The following MYH11 variants were observed in gnomAD, a reference collection of about 807,000 sequenced individuals.
MYH11 encodes myosin-11.
MYH11 carries 80 observed loss-of-function variants against 246.6 expected under a neutral mutation model. The ratio of observed to expected loss-of-function variants is 0.32; its 90% CI spans 0.27 to 0.39. The LOEUF is 0.39. Ranked by LOEUF, MYH11 falls within the 10% of genes least tolerant of loss-of-function variation. MYH11 has a pLI of 1.00. For missense variants in MYH11, 2,158 were observed against 2,546.8 expected (o/e 0.85, Z 3.29); for synonymous variants, 1,071 against 1,015.5 (o/e 1.05, Z -1.04).
At chr16:15,717,089 GCT>G in intron 38 of MYH11, 49 bp downstream of exon 38, 1 of 1,583,492 alleles carries the variant, frequency 6.3e-7, no homozygotes, top group Non-Finnish European at 8.7e-7. Context: ...TATGACTCCT[GCT>G]GTCCATCACC....
chr16:15,830,708 T>C (rs550959168), intron 2 of MYH11, among the ~76,000 whole-genome samples: 1 of 151,832 alleles, frequency 6.6e-6, no homozygotes, highest in Non-Finnish European at 1.5e-5. Flanking sequence ...CAAAAACCCA[T>C]CTTTACAAAA....
chr16:15,758,130 C>T (rs1024460758), intron 12 of MYH11, 130 bp from the exon 13 acceptor site: 3 of 1,387,412 alleles, frequency 2.2e-6, no homozygotes, highest in Non-Finnish European at 3.0e-6. Flanking sequence ...TCCCAGCACC[C>T]AGACAGGGCT....
At chr16:15,766,662 G>A (rs529514048) in intron 9 of MYH11, among the ~76,000 whole-genome samples, 9 of 152,210 alleles carry the variant, frequency 5.9e-5, no homozygotes, top group East Asian at 5.8e-4. Context: ...CACAGTGCCC[G>A]GCCTACCCAT....
Position 15,703,896 on chromosome 16 carries a change from G to T in MYH11, c.*95C>A. The T allele has an allele frequency of 1.3e-6, 2 of 1,509,562 alleles. No homozygotes were observed. Among genetic ancestry groups the T allele is most frequent in the South Asian group, 1.1e-5 (1 of 88,260 alleles). The allele number at this position is 1,509,562 out of a possible 1,614,324, so 93.5% of individuals were successfully genotyped here. A position where few individuals can be genotyped will look rare whatever the true frequency, so the allele number is the denominator to read the frequency against. Reference sequence around the variant, plus strand: ...AGACAATGCTAAGTACAGTCTGCTGGGTTTTGCTTTGTTCTGGGTTGTTGT... The same window carrying T: ...AGACAATGCTAAGTACAGTCTGCTGTGTTTTGCTTTGTTCTGGGTTGTTGT... On this transcript the variant is annotated 3_prime_UTR_variant, in exon 41 of 41. Transcript: ENST00000300036.
At chr16:15,730,143 G>C (rs1216993063) in intron 27 of MYH11, among the ~76,000 whole-genome samples, 1 of 151,918 alleles carries the variant, frequency 6.6e-6, no homozygotes, top group East Asian at 1.9e-4. Context: ...CACCATGATG[G>C]TAAGTTTCCT....
chr16:15,810,843 G>A (rs909756026), intron 3 of MYH11, among the ~76,000 whole-genome samples: 11 of 152,294 alleles, frequency 7.2e-5, no homozygotes, highest in Admixed American at 1.3e-4. Flanking sequence ...GGTAATTGCC[G>A]TTAATATCAT....
At chr16:15,708,809 C>T in intron 40 of MYH11, 1 of 1,608,254 alleles carries the variant, frequency 6.2e-7, no homozygotes, top group East Asian at 2.2e-5. Context: ...ATACCTGGTG[C>T]ATCACTGCGA....
Position 15,716,872 on chromosome 16 carries a change from G to C in MYH11, c.5504+268C>G, listed in dbSNP as rs113546360. Among the ~76,000 whole-genome samples, 1,552 of 152,320 alleles carry C rather than the reference G, an allele frequency of 0.01. 33 individuals are homozygous for C. Among genetic ancestry groups the C allele is most frequent in the African/African-American group, 0.034 (1,423 of 41,554 alleles). ...CTGCAGAGGCTGGGAAAAGTCATATGTACTGCTGGGAAGGCAGGTTAATGT... is the reference window on the plus strand; with the variant it reads ...CTGCAGAGGCTGGGAAAAGTCATATCTACTGCTGGGAAGGCAGGTTAATGT... On this transcript the variant is annotated intron_variant, in intron 38 of 40. Transcript: ENST00000300036.
chr16:15,798,746 C>A (rs372257007), intron 3 of MYH11, 59 bp from the exon 4 acceptor site: 72 of 1,546,530 alleles, frequency 4.7e-5, no homozygotes, highest in Non-Finnish European at 6.2e-5. Context: ...AGCTAAGGGT[C>A]TGGACTTGGC....
At chr16:15,784,461 C>T (rs1338315990) in intron 5 of MYH11, among the ~76,000 whole-genome samples, 1 of 152,250 alleles carries the variant, frequency 6.6e-6, no homozygotes, top group African/African-American at 2.4e-5. Flanking sequence ...TGGAGCGCAA[C>T]CCTGGGGACT....
intron 16 of MYH11, among the ~76,000 whole-genome samples, chr16:15,748,768 A>G (rs1447925346): frequency 2.0e-5 from 3 of 152,020 alleles, no homozygotes; most frequent in Admixed American, 6.6e-5. Context: ...GGTATGTGCT[A>G]CCATGCCTGG....
intron 40 of MYH11, among the ~76,000 whole-genome samples, chr16:15,704,376 T>G (rs2039340371): frequency 6.6e-6 from 1 of 152,140 alleles, no homozygotes; most frequent in Non-Finnish European, 1.5e-5. Flanking sequence ...GAGAAGGTTT[T>G]TCAAAGCAAG....
At chr16:15,781,786 C>T (rs1457105234) in intron 6 of MYH11, among the ~76,000 whole-genome samples, 2 of 152,100 alleles carry the variant, frequency 1.3e-5, no homozygotes, top group African/African-American at 2.4e-5. Flanking sequence ...AACTATTCAT[C>T]GCAATCCTGT....
intron 3 of MYH11, among the ~76,000 whole-genome samples, chr16:15,812,662 C>G (rs2043167471): frequency 6.7e-6 from 1 of 149,138 alleles, no homozygotes. Flanking sequence ...CACTTGAGCT[C>G]AGGAGTTCAA....
At position 15,797,243 on chromosome 16, in the gene MYH11, C is replaced by T. The variant is rs111667704; in HGVS notation, c.530+1417G>A. ...ATACAGTTCATTGCCATCCTACCAT[C>T]CATCACCATCTGAAATTCTAATTAC... is the stretch of plus-strand genomic sequence containing the variant. On this transcript the variant is annotated intron_variant, in intron 4 of 40. Coordinates refer to ENST00000300036, the MANE Select transcript of MYH11 (RefSeq NM_002474.3). Among the ~76,000 whole-genome samples the T allele has an allele frequency of 2.0e-3, 301 of 152,302 alleles. 2 individuals carry two copies. Among genetic ancestry groups the T allele is most frequent in the African/African-American group, 6.7e-3 (279 of 41,566 alleles).
rs375815574 is a variant in MYH11 at position 15,774,955 on chromosome 16, C to T, written c.889+1123G>A. 2.5e-4 allele frequency among the ~76,000 whole-genome samples: 38 copies of T among 152,244 alleles called. No homozygotes were observed. In the East Asian group the frequency reaches 6.9e-3, roughly 28 times the overall value. On this transcript the variant is annotated intron_variant, in intron 8 of 40. Coordinates refer to ENST00000300036, the MANE Select transcript of MYH11 (RefSeq NM_002474.3). ...AGGTCTACAATACACTCCGACACAG[C>T]GAAGTTCTGAGCTCACACAGATCCT... is the stretch of plus-strand genomic sequence containing the variant.
At chr16:15,712,351 G>A (rs887735890) in intron 40 of MYH11, among the ~76,000 whole-genome samples, 3 of 152,086 alleles carry the variant, frequency 2.0e-5, no homozygotes, top group African/African-American at 7.2e-5. Flanking sequence ...TAGCGCTGGG[G>A]AGAGATGAAA....
intron 5 of MYH11, among the ~76,000 whole-genome samples, chr16:15,783,819 T>C (rs554556764): frequency 1.3e-5 from 2 of 152,156 alleles, no homozygotes; most frequent in South Asian, 2.1e-4. Flanking sequence ...GATGAAACCA[T>C]AGCCCCGAGG....
Position 15,724,717 on chromosome 16 carries a change from T to C in MYH11, c.4046A>G (p.Gln1349Arg). 6.2e-7 allele frequency: 1 copy of C among 1,614,158 alleles called. No individual in the cohort carries two copies. The highest frequency in any genetic ancestry group is 8.5e-7 in the Non-Finnish European group (1 of 1,180,016). The change falls in exon 30 of 41, where the codon CAA (glutamine) becomes CGA (arginine). Residue 1349 changes from glutamine (Q) to arginine (R), a missense_variant. Transcript: ENST00000300036. ...CTCCATCTCCTCGTCCAGCTGGTCT[T>C]GCAGGCTGTTCCGCTCCTCCTCCAG... ...RQLEEERNSLQDQLDEEMEAK... is the reference protein window; with the variant it reads ...RQLEEERNSLRDQLDEEMEAK...
Sources: allele counts gnomAD v4.1 joint callset (sites outside exome capture counted in the v4.1 genomes callset), GRCh38; gene constraint gnomAD v4.1.1; transcripts MANE v1.5; gene names NCBI Gene and HGNC (gene_info 2026-07-23, HGNC 2026-07-21).